Variants in SORCS1 observed in about 807,000 individuals in gnomAD.
SORCS1 encodes VPS10 domain-containing receptor SorCS1.
SORCS1 carries 60 observed loss-of-function variants against 146.1 expected under a neutral mutation model. That is an observed-to-expected ratio of 0.41 (90% CI 0.33 to 0.51). The LOEUF is 0.51. SORCS1 is among the 20% of genes least tolerant of loss of function. The pLI, the probability that SORCS1 is intolerant of heterozygous loss-of-function variation, is 0.21. For missense variants in SORCS1, 1,352 were observed against 1,487.6 expected (o/e 0.91, Z 1.50); for synonymous variants, 637 against 584.0 (o/e 1.09, Z -1.31).
intron 2 of SORCS1, among the ~76,000 whole-genome samples, chr10:106,945,883 T>C (rs1483469764): frequency 6.6e-6 from 1 of 152,222 alleles, no homozygotes; most frequent in African/African-American, 2.4e-5. Flanking sequence ...ATAGCATCTT[T>C]TGGATGAATA....
chr10:106,618,886 G>GA (rs975630653), intron 20 of SORCS1, among the ~76,000 whole-genome samples: 3 of 150,874 alleles, frequency 2.0e-5, no homozygotes, highest in East Asian at 1.9e-4. Flanking sequence ...ATTCAAAACA[G>GA]AAAAAAAAGA....
intron 1 of SORCS1, among the ~76,000 whole-genome samples, chr10:107,000,370 C>T (rs1003724796): frequency 6.6e-6 from 1 of 151,320 alleles, no homozygotes; most frequent in African/African-American, 2.4e-5. Flanking sequence ...GACGCCGAGG[C>T]GTGTGCATCA....
At chr10:106,623,789 C>CCA (rs1459449113) in intron 19 of SORCS1, among the ~76,000 whole-genome samples, 2 of 152,146 alleles carry the variant, frequency 1.3e-5, no homozygotes, top group Non-Finnish European at 2.9e-5. Flanking sequence ...CCCCAGCATC[C>CCA]CAAGTAGTTG....
intron 5 of SORCS1, among the ~76,000 whole-genome samples, chr10:106,755,249 T>C (rs987227332): frequency 2.6e-5 from 4 of 152,176 alleles, no homozygotes; most frequent in Admixed American, 2.0e-4. Flanking sequence ...AAATTTAAAG[T>C]TTTTTCTCCT....
intron 1 of SORCS1, among the ~76,000 whole-genome samples, chr10:106,968,333 G>C (rs1197644492): frequency 6.6e-6 from 1 of 152,256 alleles, no homozygotes; most frequent in Non-Finnish European, 1.5e-5. Context: ...GTGATGATCT[G>C]AGAAAGACAG....
intron 18 of SORCS1, among the ~76,000 whole-genome samples, chr10:106,646,739 G>T (rs961255934): frequency 2.6e-5 from 4 of 151,866 alleles, no homozygotes; most frequent in African/African-American, 4.8e-5. Context: ...TTCAAATTTT[G>T]ATTGACAATC....
chr10:106,851,679 A>C (rs2137289088), intron 2 of SORCS1, among the ~76,000 whole-genome samples: 1 of 152,302 alleles, frequency 6.6e-6, no homozygotes, highest in East Asian at 1.9e-4. Context: ...TCAGTTGACT[A>C]TTCTGGGTCT....
In SORCS1 at chr10:106,865,720, T is replaced by C. The variant is rs532019255; in HGVS notation, c.627-36047A>G. Among the ~76,000 whole-genome samples the C allele has an allele frequency of 8.7e-5, 13 of 149,104 alleles. No homozygotes were observed. The Admixed American group carries it at 8.8e-4, about 10-fold the overall frequency. ...GCCTGGGCGAGAGAGCAAGACTCCATCTCAAAAAAATAAATAAAATAAAAT... is the reference window on the plus strand; with the variant it reads ...GCCTGGGCGAGAGAGCAAGACTCCACCTCAAAAAAATAAATAAAATAAAAT... On this transcript the variant is annotated intron_variant, in intron 2 of 25. Transcript: ENST00000263054.
Position 106,576,607 on chromosome 10 carries a change from G to C in SORCS1, c.*813C>G, listed in dbSNP as rs778290000. ...CGTTTCTGACATGCTTTGCCTCCCT[G>C]CCTCCCTTCCTTCCTTATTCTACCG... On this transcript the variant is annotated 3_prime_UTR_variant, in exon 26 of 26. Transcript: ENST00000263054. 1 of 152,188 alleles carries C rather than the reference G, an allele frequency of 6.6e-6. No individual in the cohort carries two copies. The highest frequency in any genetic ancestry group is 6.5e-5 in the Admixed American group (1 of 15,276). The allele number at this position is 152,188 out of a possible 1,614,324, so 9.4% of individuals were successfully genotyped here.
chr10:106,639,416 A>G (rs1027545890), intron 18 of SORCS1, among the ~76,000 whole-genome samples: 2 of 152,234 alleles, frequency 1.3e-5, no homozygotes, highest in African/African-American at 4.8e-5. Flanking sequence ...TAAAGTTCTT[A>G]GCAAACATCT....
intron 1 of SORCS1, among the ~76,000 whole-genome samples, chr10:107,053,268 T>C (rs1960294033): frequency 6.6e-6 from 1 of 152,160 alleles, no homozygotes; most frequent in African/African-American, 2.4e-5. Context: ...AACTTTAAAA[T>C]GCATACCTCC....
Position 106,843,429 on chromosome 10 carries a change from C to CTTTT in SORCS1, c.627-13760_627-13757dup, listed in dbSNP as rs141378677. Among the ~76,000 whole-genome samples, 235 of 116,778 alleles carry CTTTT rather than the reference C, an allele frequency of 2.0e-3. 7 individuals are homozygous for CTTTT. The highest frequency in any genetic ancestry group is 2.7e-3 in the African/African-American group (82 of 30,000). The allele number at this position is 116,778 out of a possible 152,430, so 76.6% of individuals were successfully genotyped here. ...ATGTTGCGGTAAAAGGCAGGATTTC[C>CTTTT]TTTTTTTTTTTTTTTTTTGTGATGG... is the stretch of plus-strand genomic sequence containing the variant. On this transcript the variant is annotated intron_variant, in intron 2 of 25. Coordinates refer to ENST00000263054, the MANE Select transcript of SORCS1 (RefSeq NM_052918.5).
intron 2 of SORCS1, among the ~76,000 whole-genome samples, chr10:106,886,726 T>C (rs1951018061): frequency 6.6e-6 from 1 of 152,236 alleles, no homozygotes; most frequent in South Asian, 2.1e-4. Flanking sequence ...AGCAGATCCA[T>C]TCTCTTTCTA....
intron 2 of SORCS1, among the ~76,000 whole-genome samples, chr10:106,874,738 A>G (rs1192521059): frequency 6.6e-6 from 1 of 152,238 alleles, no homozygotes; most frequent in African/African-American, 2.4e-5. Context: ...GTATTAGAGG[A>G]ACCACAAGAC....
intron 1 of SORCS1, among the ~76,000 whole-genome samples, chr10:106,984,272 C>T (rs187516307): frequency 2.2e-4 from 33 of 152,210 alleles, no homozygotes; most frequent in Admixed American, 2.6e-4. Context: ...ATATTTCCCA[C>T]GGACACAAGC....
chr10:106,944,870 CCTTCTT>C (rs1954235070), intron 2 of SORCS1, among the ~76,000 whole-genome samples: 1 of 51,816 alleles, frequency 1.9e-5, no homozygotes, highest in Non-Finnish European at 4.2e-5. Flanking sequence ...CAAGAAAGAG[CCTTCTT>C]TTTTTTTTTT....
intron 1 of SORCS1, among the ~76,000 whole-genome samples, chr10:107,146,460 C>G (rs1394027915): frequency 6.6e-6 from 1 of 152,126 alleles, no homozygotes; most frequent in Non-Finnish European, 1.5e-5. Context: ...TGGATCATAA[C>G]GTCTCAAAGA....
At chr10:106,652,808 G>C (rs929982805) in intron 17 of SORCS1, among the ~76,000 whole-genome samples, 7 of 152,134 alleles carry the variant, frequency 4.6e-5, no homozygotes, top group Non-Finnish European at 1.5e-5. Context: ...ACTTCATTTT[G>C]AAGTTGTGGG....
chr10:107,004,681 G>A (rs11193159), intron 1 of SORCS1, among the ~76,000 whole-genome samples: 23,586 of 151,976 alleles, frequency 0.16, 5,652 homozygotes, highest in African/African-American at 0.52. Flanking sequence ...ATTAAACCTC[G>A]TGATTTACCA....
Sources: allele counts gnomAD v4.1 joint callset (sites outside exome capture counted in the v4.1 genomes callset), GRCh38; gene constraint gnomAD v4.1.1; transcripts MANE v1.5; gene names NCBI Gene and HGNC (gene_info 2026-07-23, HGNC 2026-07-21).